Variants in PTPRD observed in about 807,000 individuals in gnomAD.
The protein encoded by PTPRD is receptor-type tyrosine-protein phosphatase delta.
A neutral mutation model predicts 214.5 loss-of-function variants in PTPRD; 34 were observed. The observed-to-expected ratio is 0.16, with a 90% CI of 0.12 to 0.21. PTPRD has a LOEUF of 0.21. PTPRD is among the 10% of genes least tolerant of loss of function. The pLI, the probability that PTPRD is intolerant of heterozygous loss-of-function variation, is 1.00. For missense variants in PTPRD, 2,545 were observed against 2,398.7 expected, an observed-to-expected ratio of 1.06 and a Z score of -1.27; for synonymous variants, 1,128 against 845.7, an observed-to-expected ratio of 1.33 and a Z score of -5.79.
At chr9:10,364,144 C>T (rs954170474) in intron 2 of PTPRD, among the ~76,000 whole-genome samples, 20 of 151,416 alleles carry the variant, frequency 1.3e-4, no homozygotes, top group East Asian at 3.9e-4. Flanking sequence ...GGACTACAGG[C>T]GCCCGCCACC....
intron 10 of PTPRD, among the ~76,000 whole-genome samples, chr9:9,026,221 C>T (rs1315799212): frequency 6.6e-6 from 1 of 151,854 alleles, no homozygotes; most frequent in Non-Finnish European, 1.5e-5. Context: ...CTAGAAAAAG[C>T]AATAAATGTA....
intron 5 of PTPRD, among the ~76,000 whole-genome samples, chr9:9,852,889 A>T (rs55754428): frequency 0.04 from 6,154 of 152,236 alleles, 178 homozygotes; most frequent in Non-Finnish European, 0.055. Flanking sequence ...TAGCAGATCA[A>T]GTAGGGGCTC....
At chr9:9,171,710 C>T (rs1240715895) in intron 10 of PTPRD, among the ~76,000 whole-genome samples, 1 of 151,796 alleles carries the variant, frequency 6.6e-6, no homozygotes, top group East Asian at 1.9e-4. Flanking sequence ...ATAAGTGGCA[C>T]TAGGTTTAAT....
intron 44 of PTPRD, among the ~76,000 whole-genome samples, chr9:8,325,247 CTT>C (rs1832483081): frequency 6.7e-6 from 1 of 149,104 alleles, no homozygotes. Flanking sequence ...AGGTTTAAGT[CTT>C]TAATCCATCT....
chr9:10,591,315 T>G (rs1028584846), intron 2 of PTPRD, among the ~76,000 whole-genome samples: 2 of 152,024 alleles, frequency 1.3e-5, no homozygotes, highest in Non-Finnish European at 1.5e-5. Context: ...AGAATAAAGA[T>G]TAATTTATTT....
intron 10 of PTPRD, among the ~76,000 whole-genome samples, chr9:9,059,187 G>C (rs533752558): frequency 1.3e-5 from 2 of 152,214 alleles, no homozygotes; most frequent in Non-Finnish European, 2.9e-5. Context: ...AATCATAGTA[G>C]AGTCAATACA....
intron 2 of PTPRD, among the ~76,000 whole-genome samples, chr9:10,425,647 T>C (rs2098606635): frequency 6.6e-6 from 1 of 152,000 alleles, no homozygotes; most frequent in Non-Finnish European, 1.5e-5. Flanking sequence ...AAACTAAAAT[T>C]TGTTTTTTAG....
intron 8 of PTPRD, among the ~76,000 whole-genome samples, chr9:9,425,632 G>C (rs1232152284): frequency 6.6e-6 from 1 of 151,460 alleles, no homozygotes; most frequent in Non-Finnish European, 1.5e-5. Context: ...AGAGAAAAGA[G>C]TAAACCATGC....
chr9:10,087,426 A>G (rs902435067), intron 3 of PTPRD, among the ~76,000 whole-genome samples: 2 of 151,652 alleles, frequency 1.3e-5, no homozygotes, highest in African/African-American at 4.8e-5. Context: ...TACACTATCT[A>G]TTGAAGATGT....
rs1429399752 is a variant in PTPRD at position 9,789,790 on chromosome 9, CTGTCTCAAA to C, written c.-367-22948_-367-22940del. Among the ~76,000 whole-genome samples, 127 of 71,752 alleles carry C rather than the reference CTGTCTCAAA, an allele frequency of 1.8e-3. 2 individuals are homozygous for C. The highest frequency in any genetic ancestry group is 2.0e-3 in the Non-Finnish European group (81 of 40,842). The allele number at this position is 71,752 out of a possible 152,430, so 47.1% of individuals were successfully genotyped here. On this transcript the variant is annotated intron_variant, in intron 5 of 45. Transcript: ENST00000381196. ...CCAGCCTGGGCAACAGAGCCAAACT[CTGTCTCAAA>C]AAAAAAAAAAAAAAAAAAAAAAAAA...
At chr9:10,247,887 G>T (rs2092342360) in intron 3 of PTPRD, among the ~76,000 whole-genome samples, 2 of 152,106 alleles carry the variant, frequency 1.3e-5, no homozygotes, top group Non-Finnish European at 2.9e-5. Context: ...ACCTCATCTT[G>T]TAGCTCCCAT....
intron 33 of PTPRD, among the ~76,000 whole-genome samples, chr9:8,457,048 A>AT (rs1208351899): frequency 6.6e-6 from 1 of 152,158 alleles, no homozygotes; most frequent in African/African-American, 2.4e-5. Flanking sequence ...TGCCTTGTGA[A>AT]TTTTTTGTTG....
intron 37 of PTPRD, among the ~76,000 whole-genome samples, chr9:8,379,174 T>C (rs2084186487): frequency 6.6e-6 from 1 of 152,164 alleles, no homozygotes; most frequent in Non-Finnish European, 1.5e-5. Flanking sequence ...GTCTAAATAT[T>C]ACCATTTTCT....
chr9:10,033,154 T>C (rs1361595011), intron 4 of PTPRD, among the ~76,000 whole-genome samples: 1 of 151,384 alleles, frequency 6.6e-6, no homozygotes, highest in Non-Finnish European at 1.5e-5. Context: ...CAAACCTACA[T>C]GCTCTTAAAA....
chr9:10,286,225 T>TA (rs1454533744), intron 3 of PTPRD, among the ~76,000 whole-genome samples: 3 of 152,158 alleles, frequency 2.0e-5, no homozygotes, highest in East Asian at 1.9e-4. Flanking sequence ...AATATTGCTT[T>TA]AAAAAATATC....
chr9:9,985,880 G>C (rs1588186451), intron 4 of PTPRD, among the ~76,000 whole-genome samples: 1 of 151,924 alleles, frequency 6.6e-6, no homozygotes, highest in South Asian at 2.1e-4. Flanking sequence ...CACTGGGTCA[G>C]AACAAGGAAA....
At chr9:8,735,770 G>T (rs1224101880) in intron 11 of PTPRD, among the ~76,000 whole-genome samples, 1 of 152,028 alleles carries the variant, frequency 6.6e-6, no homozygotes, top group East Asian at 2.0e-4. Flanking sequence ...AAATTAGCCA[G>T]GCGTGGTGGT....
At chr9:9,825,012 T>G (rs901317239) in intron 5 of PTPRD, among the ~76,000 whole-genome samples, 2 of 151,974 alleles carry the variant, frequency 1.3e-5, no homozygotes, top group African/African-American at 4.8e-5. Flanking sequence ...TCCATCTGAG[T>G]GTCAGTTTCT....
At chr9:9,158,182 T>G (rs550107529) in intron 10 of PTPRD, among the ~76,000 whole-genome samples, 3 of 152,324 alleles carry the variant, frequency 2.0e-5, no homozygotes, top group African/African-American at 7.2e-5. Context: ...TGAACATACA[T>G]GTATCTTTAT....
Sources: gnomAD v4.1 joint callset for allele counts (sites outside exome capture counted in the v4.1 genomes callset) on GRCh38, gnomAD v4.1.1 for gene constraint, MANE v1.5 for transcripts, NCBI Gene and HGNC (gene_info 2026-07-23, HGNC 2026-07-21) for gene names.